Variants in PCDH15 observed in about 807,000 individuals in gnomAD.
PCDH15 encodes the protein protocadherin-15.
Under a neutral mutation model 178.5 loss-of-function variants are expected in PCDH15, and 129 were observed. That is an observed-to-expected ratio of 0.72 (90% CI 0.63 to 0.84). The LOEUF (loss-of-function observed/expected upper bound fraction) is 0.84. Ranked by LOEUF, PCDH15 falls within the 40% of genes least tolerant of loss-of-function variation. The pLI is 0.00. For synonymous variants in PCDH15, 800 were observed against 732.0 expected (o/e 1.09, Z -1.50); for missense variants, 2,230 against 2,099.9 (o/e 1.06, Z -1.21).
chr10:54,553,031 T>C (rs2086790534), intron 2 of PCDH15, among the ~76,000 whole-genome samples: 1 of 152,196 alleles, frequency 6.6e-6, no homozygotes, highest in African/African-American at 2.4e-5. Context: ...AATCAGTTCC[T>C]TCTCTTGAAA....
At chr10:55,206,166 T>G (rs567037247) in intron 1 of PCDH15, among the ~76,000 whole-genome samples, 1 of 152,092 alleles carries the variant, frequency 6.6e-6, no homozygotes, top group East Asian at 1.9e-4. Context: ...TCCTAAAACT[T>G]GTAGGAAGGC....
At chr10:55,053,263 T>C (rs1205223379) in intron 2 of PCDH15, among the ~76,000 whole-genome samples, 1 of 152,160 alleles carries the variant, frequency 6.6e-6, no homozygotes, top group African/African-American at 2.4e-5. Context: ...TAGCACAAAG[T>C]AGTGCTCTGA....
chr10:55,253,996 C>G (rs915272304), intron 1 of PCDH15, among the ~76,000 whole-genome samples: 2 of 152,102 alleles, frequency 1.3e-5, no homozygotes, highest in Non-Finnish European at 1.5e-5. Context: ...ATGTCTCTAT[C>G]CTTTAAAAAC....
chr10:55,234,674 C>T (rs992881495), intron 1 of PCDH15, among the ~76,000 whole-genome samples: 1 of 152,028 alleles, frequency 6.6e-6, no homozygotes, highest in African/African-American at 2.4e-5. Context: ...AGCCACCATG[C>T]CTAGCCAAGA....
chr10:54,275,977 T>C (rs988108651), intron 8 of PCDH15, among the ~76,000 whole-genome samples: 6 of 151,822 alleles, frequency 4.0e-5, no homozygotes, highest in African/African-American at 1.4e-4. Flanking sequence ...CTCATTATCC[T>C]GCCCAGTACA....
chr10:55,107,684 G>T (rs1014503485), intron 2 of PCDH15, among the ~76,000 whole-genome samples: 1 of 150,972 alleles, frequency 6.6e-6, no homozygotes, highest in Admixed American at 6.6e-5. Flanking sequence ...GTAGAGACGG[G>T]GTTTCATCAT....
intron 2 of PCDH15, among the ~76,000 whole-genome samples, chr10:55,433,923 A>G (rs1838956440): frequency 6.6e-6 from 1 of 152,012 alleles, no homozygotes; most frequent in Non-Finnish European, 1.5e-5. Flanking sequence ...TATCTGTTGT[A>G]TATGAAGTCC....
chr10:54,511,959 C>G (rs2081717090), intron 3 of PCDH15, among the ~76,000 whole-genome samples: 1 of 151,738 alleles, frequency 6.6e-6, no homozygotes, highest in Non-Finnish European at 1.5e-5. Context: ...CATACCATAA[C>G]CCTTGATTTT....
intron 25 of PCDH15, among the ~76,000 whole-genome samples, chr10:53,934,747 A>G (rs1445239447): frequency 6.6e-6 from 1 of 151,802 alleles, no homozygotes. Context: ...TGTTAAAATT[A>G]CTCTCTTGGC....
chr10:55,538,582 C>T (rs1350193800), intron 2 of PCDH15, among the ~76,000 whole-genome samples: 1 of 57,482 alleles, frequency 1.7e-5, no homozygotes, highest in Non-Finnish European at 3.4e-5. Flanking sequence ...TCCTCCTTTC[C>T]TTCCTTCCTT....
intron 13 of PCDH15, among the ~76,000 whole-genome samples, chr10:54,157,183 C>T (rs1485439805): frequency 1.3e-5 from 2 of 152,214 alleles, no homozygotes; most frequent in African/African-American, 4.8e-5. Flanking sequence ...CCAGTAGGGA[C>T]TCTGTGTGAG....
intron 2 of PCDH15, among the ~76,000 whole-genome samples, chr10:54,641,771 A>C (rs923843548): frequency 4.6e-5 from 7 of 152,148 alleles, no homozygotes; most frequent in African/African-American, 1.7e-4. Context: ...TTCAGTCTTT[A>C]CACAAATCCA....
intron 2 of PCDH15, chr10:54,655,412 GGT>G (rs2094380170): frequency 2.0e-5 from 3 of 147,568 alleles, no homozygotes; most frequent in Non-Finnish European, 3.0e-5. Context: ...TTGGGTAAGG[GGT>G]GTGTGTGTGG....
chr10:53,817,262 C>T (rs16937774), intron 34 of PCDH15, among the ~76,000 whole-genome samples: 6 of 151,964 alleles, frequency 3.9e-5, no homozygotes, highest in Non-Finnish European at 7.4e-5. Flanking sequence ...AAACTAGGTT[C>T]GCAGTGACTT....
chr10:54,704,450 T>TAAAC (rs140521277), intron 1 of PCDH15, among the ~76,000 whole-genome samples: 4,603 of 152,026 alleles, frequency 0.03, 192 homozygotes, highest in African/African-American at 0.089. Context: ...CTAAGGAACT[T>TAAAC]AAATTAAGAA....
chr10:53,842,024 A>G (rs973808000), intron 28 of PCDH15, among the ~76,000 whole-genome samples: 1 of 151,646 alleles, frequency 6.6e-6, no homozygotes, highest in African/African-American at 2.4e-5. Flanking sequence ...GTCTAACATC[A>G]TTTGGACTGT....
chr10:55,534,305 T>A (rs1267235648), intron 2 of PCDH15, among the ~76,000 whole-genome samples: 1 of 152,002 alleles, frequency 6.6e-6, no homozygotes, highest in Non-Finnish European at 1.5e-5. Context: ...TGGCAGAAGA[T>A]ATTCACACGC....
intron 1 of PCDH15, among the ~76,000 whole-genome samples, chr10:54,723,036 A>T (rs1941901701): frequency 6.6e-6 from 1 of 150,644 alleles, no homozygotes; most frequent in African/African-American, 2.4e-5. Context: ...CATAATTATA[A>T]AAAAAAAATC....
At chr10:55,226,081 C>G (rs764855433) in intron 1 of PCDH15, among the ~76,000 whole-genome samples, 10 of 152,054 alleles carry the variant, frequency 6.6e-5, no homozygotes, top group Non-Finnish European at 4.4e-5. Flanking sequence ...AATAACTACT[C>G]TTATCAAATC....
Sources: allele counts gnomAD v4.1 joint callset (sites outside exome capture counted in the v4.1 genomes callset), GRCh38; gene constraint gnomAD v4.1.1; transcripts MANE v1.5; gene names NCBI Gene and HGNC (gene_info 2026-07-23, HGNC 2026-07-21).